ACSS3: variants seen among roughly 807,000 people sequenced by gnomAD.
The protein encoded by ACSS3 is acyl-CoA synthetase short-chain family member 3, mitochondrial.
In ACSS3, 64 loss-of-function variants were observed where a neutral mutation model predicts 84.2. The observed-to-expected ratio is 0.76, with a 90% CI of 0.62 to 0.94. The LOEUF is 0.94. Among genes scored for constraint, ACSS3 ranks in the 40% least tolerant of loss-of-function variants. ACSS3 has a pLI of 0.00. For synonymous variants in ACSS3, 317 were observed against 310.1 expected, an observed-to-expected ratio of 1.02 and a Z score of -0.23; for missense variants, 815 against 867.6, an observed-to-expected ratio of 0.94 and a Z score of 0.76.
chr12:81,229,805 A>G (rs923806927), intron 11 of ACSS3, among the ~76,000 whole-genome samples: 7 of 151,960 alleles, frequency 4.6e-5, no homozygotes, highest in Admixed American at 3.9e-4. Flanking sequence ...AATAAAGAGC[A>G]TCTAGCAAAG....
intron 13 of ACSS3, among the ~76,000 whole-genome samples, chr12:81,236,743 C>CT (rs2033641530): frequency 6.6e-6 from 1 of 150,944 alleles, no homozygotes; most frequent in Non-Finnish European, 1.5e-5. Context: ...TATTTTGGTT[C>CT]TTTTTTTGTA....
At chr12:81,210,866 C>T (rs1436998344) in intron 9 of ACSS3, among the ~76,000 whole-genome samples, 1 of 152,152 alleles carries the variant, frequency 6.6e-6, no homozygotes, top group Non-Finnish European at 1.5e-5. Context: ...TAGTCTTATA[C>T]TTGGCCTAAT....
At chr12:81,117,621 C>G (rs1884158467) in intron 2 of ACSS3, among the ~76,000 whole-genome samples, 1 of 152,036 alleles carries the variant, frequency 6.6e-6, no homozygotes, top group Non-Finnish European at 1.5e-5. Context: ...ATCCAGGAGT[C>G]AGATCATATA....
chr12:81,155,670 C>T (rs1242007110), intron 7 of ACSS3, among the ~76,000 whole-genome samples: 1 of 152,180 alleles, frequency 6.6e-6, no homozygotes, highest in Non-Finnish European at 1.5e-5. Context: ...CAAAAGTGTC[C>T]TCTTTTTTCC....
chr12:81,161,481 G>A (rs10862251), intron 7 of ACSS3, among the ~76,000 whole-genome samples: 28,430 of 152,096 alleles, frequency 0.19, 2,920 homozygotes, highest in East Asian at 0.4. Flanking sequence ...TTTTTGATGG[G>A]CATTATCATT....
chr12:81,230,379 T>TG (rs2135967497), intron 11 of ACSS3, among the ~76,000 whole-genome samples: 1 of 151,970 alleles, frequency 6.6e-6, no homozygotes, highest in African/African-American at 2.4e-5. Context: ...GCCCTTGCCA[T>TG]GCATATAACA....
chr12:81,181,747 C>CAAAA (rs59878486), intron 8 of ACSS3, among the ~76,000 whole-genome samples: 1,130 of 47,796 alleles, frequency 0.024, 49 homozygotes, highest in African/African-American at 0.037. Flanking sequence ...ATCAATTAAG[C>CAAAA]AAAAAAAAAA....
intron 9 of ACSS3, among the ~76,000 whole-genome samples, chr12:81,202,012 G>A (rs2032133682): frequency 6.6e-6 from 1 of 152,184 alleles, no homozygotes; most frequent in Non-Finnish European, 1.5e-5. Flanking sequence ...GGGTGCGGTG[G>A]TTCAAGCCTG....
chr12:81,252,801 C>T (rs557730672), intron 13 of ACSS3, among the ~76,000 whole-genome samples: 14 of 152,140 alleles, frequency 9.2e-5, no homozygotes, highest in South Asian at 2.1e-4. Flanking sequence ...AAAATCATCT[C>T]TGGGTGGGTG....
intron 1 of ACSS3, among the ~76,000 whole-genome samples, chr12:81,085,018 T>C (rs1255113171): frequency 1.3e-5 from 2 of 149,882 alleles, no homozygotes; most frequent in African/African-American, 5.1e-5. Context: ...TCAAGTAAAA[T>C]AAGTTTCTTC....
chr12:81,139,631 T>TAAA (rs1052187991), intron 4 of ACSS3, among the ~76,000 whole-genome samples: 2 of 142,194 alleles, frequency 1.4e-5, no homozygotes, highest in Non-Finnish European at 3.1e-5. Context: ...ATAATAATAA[T>TAAA]AATAATTATT....
At chr12:81,188,118 G>C (rs1243262589) in intron 8 of ACSS3, among the ~76,000 whole-genome samples, 1 of 151,830 alleles carries the variant, frequency 6.6e-6, no homozygotes, top group African/African-American at 2.4e-5. Context: ...TATCTCTTCT[G>C]TGATATGCTT....
chr12:81,137,363 A>C (rs899125209), intron 3 of ACSS3, among the ~76,000 whole-genome samples: 90 of 142,842 alleles, frequency 6.3e-4, no homozygotes, highest in East Asian at 2.3e-3. Flanking sequence ...ACACACACAC[A>C]CCCCTAATAC....
rs563557018 is a variant in ACSS3 at position 81,180,347 on chromosome 12, T to C, written c.1250+5408T>C. 3.9e-5 allele frequency among the ~76,000 whole-genome samples: 6 copies of C among 152,322 alleles called. No individual in the cohort carries two copies. The East Asian group carries it at 9.6e-4, about 24-fold the overall frequency. ...TTTACCCATGTAACAAATCTGCACA[T>C]GTGACCCCTGAACCTAAGATACAAG... On this transcript the variant is annotated intron_variant, in intron 8 of 15. Coordinates refer to ENST00000548058, the MANE Select transcript of ACSS3 (RefSeq NM_024560.4).
intron 4 of ACSS3, among the ~76,000 whole-genome samples, chr12:81,139,846 A>G (rs1164842973): frequency 6.6e-6 from 1 of 151,908 alleles, no homozygotes; most frequent in East Asian, 1.9e-4. Context: ...CGTGTTAGCC[A>G]GGATGGTCTC....
At chr12:81,090,883 C>A (rs891884813) in intron 1 of ACSS3, among the ~76,000 whole-genome samples, 3 of 152,036 alleles carry the variant, frequency 2.0e-5, no homozygotes, top group African/African-American at 7.2e-5. Flanking sequence ...CCAAAATCTG[C>A]AGATGCTCAA....
At chr12:81,226,964 TACACACACACAC>T (rs34439721) in intron 11 of ACSS3, among the ~76,000 whole-genome samples, 1 of 148,918 alleles carries the variant, frequency 6.7e-6, no homozygotes, top group Non-Finnish European at 1.5e-5. Context: ...CAATAGGATT[TACACACACACAC>T]ACACACACAC....
chr12:81,205,557 G>A (rs2032310008), intron 9 of ACSS3, among the ~76,000 whole-genome samples: 1 of 152,096 alleles, frequency 6.6e-6, no homozygotes, highest in Non-Finnish European at 1.5e-5. Flanking sequence ...CTACAGCCCT[G>A]TCTCATTCCT....
chr12:81,153,491 T>A (rs978094641), intron 7 of ACSS3, among the ~76,000 whole-genome samples: 1 of 152,106 alleles, frequency 6.6e-6, no homozygotes, highest in Admixed American at 6.6e-5. Context: ...ATAAGTATAT[T>A]TTGATGTTTA....
Sources: gnomAD v4.1 joint callset for allele counts (sites outside exome capture counted in the v4.1 genomes callset) on GRCh38, gnomAD v4.1.1 for gene constraint, MANE v1.5 for transcripts, NCBI Gene and HGNC (gene_info 2026-07-23, HGNC 2026-07-21) for gene names.